SMARCC2: variants seen among roughly 807,000 people sequenced by gnomAD.
The protein encoded by SMARCC2 is SWI/SNF related BAF chromatin remodeling complex subunit C2.
A neutral mutation model predicts 151.3 loss-of-function variants in SMARCC2; 15 were observed. The observed-to-expected ratio is 0.10, with a 90% CI of 0.07 to 0.15. The LOEUF (loss-of-function observed/expected upper bound fraction) is 0.15, where lower values mean the gene tolerates loss of function less well. SMARCC2 is among the 10% of genes least tolerant of loss of function. The pLI, the probability that SMARCC2 is intolerant of heterozygous loss-of-function variation, is 1.00. For missense variants in SMARCC2, 1,031 were observed against 1,599.7 expected, an observed-to-expected ratio of 0.64 and a Z score of 6.06; for synonymous variants, 590 against 609.5, an observed-to-expected ratio of 0.97 and a Z score of 0.47.
intron 15 of SMARCC2, among the ~76,000 whole-genome samples, chr12:56,177,156 G>C (rs1875176427): frequency 6.6e-6 from 1 of 151,944 alleles, no homozygotes; most frequent in African/African-American, 2.4e-5. Context: ...ATGTTAGCCA[G>C]CATGGTCGCG....
intron 18 of SMARCC2, 104 bp downstream of exon 18, chr12:56,172,833 C>T (rs1431816727): frequency 8.3e-6 from 13 of 1,564,368 alleles, no homozygotes; most frequent in South Asian, 7.8e-5. Context: ...GGACTTCCTC[C>T]CTTACTGCTG....
chr12:56,177,890 G>GT, intron 15 of SMARCC2, 132 bp downstream of exon 15: 1 of 651,252 alleles, frequency 1.5e-6, no homozygotes. Flanking sequence ...TTGTGCCTTT[G>GT]TAAGCCTAGC....
intron 7 of SMARCC2, among the ~76,000 whole-genome samples, chr12:56,182,800 T>C (rs1010718357): frequency 1.9e-4 from 27 of 145,050 alleles, no homozygotes; most frequent in African/African-American, 7.1e-4. Context: ...TAGATGATGT[T>C]TTTACATAAT....
At chr12:56,178,299 G>C in intron 14 of SMARCC2, 105 bp downstream of exon 14, 1 of 1,353,812 alleles carries the variant, frequency 7.4e-7, no homozygotes, top group Non-Finnish European at 1.0e-6. Context: ...GTCTATTTGG[G>C]TGAGGAAAAA....
chr12:56,163,636 C>G lies in SMARCC2; in HGVS notation c.*53G>C, dbSNP rs541111575. On this transcript the variant is annotated 3_prime_UTR_variant, in exon 29 of 29. Transcript: ENST00000550164. ...CCCAGTGGTGGGGGAAGGGCTGTTCCTGGAACCGTGATGTCCACAGGGGGT... is the reference window on the plus strand; with the variant it reads ...CCCAGTGGTGGGGGAAGGGCTGTTCGTGGAACCGTGATGTCCACAGGGGGT... 1 of 1,073,558 alleles carries G rather than the reference C, an allele frequency of 9.3e-7. No individual in the cohort carries two copies. Among genetic ancestry groups the G allele is most frequent in the East Asian group, 2.9e-5 (1 of 34,626 alleles). 66.5% of individuals were successfully genotyped at this position (1,073,558 alleles called of 1,614,324 possible). A position where few individuals can be genotyped will look rare whatever the true frequency, so the allele number is the denominator to read the frequency against.
intron 11 of SMARCC2, among the ~76,000 whole-genome samples, chr12:56,179,533 G>A (rs1235533281): frequency 6.6e-6 from 1 of 152,128 alleles, no homozygotes; most frequent in Admixed American, 6.5e-5. Flanking sequence ...TCCTACCCCT[G>A]AAATACACTT....
chr12:56,171,625 T>A lies in SMARCC2; in HGVS notation c.2185+54A>T, dbSNP rs1255327122. On this transcript the variant is annotated intron_variant, in intron 21 of 28. Transcript: ENST00000550164. This position sits in a 1 kb window ranked among gnomAD's most constrained non-coding sequence, Gnocchi z 4.2. ...TGAGAGGATTCACAGTCTGAGTAACTAGCCCTTCAAAAGCAAACTAAGAAG... is the reference window on the plus strand; with the variant it reads ...TGAGAGGATTCACAGTCTGAGTAACAAGCCCTTCAAAAGCAAACTAAGAAG... 2.6e-6 allele frequency: 4 copies of A among 1,519,884 alleles called. No homozygotes were observed. Among genetic ancestry groups the A allele is most frequent in the Non-Finnish European group, 3.5e-6 (4 of 1,134,320 alleles). 94.1% of individuals were successfully genotyped at this position (1,519,884 alleles called of 1,614,324 possible). A position where few individuals can be genotyped will look rare whatever the true frequency, so the allele number is the denominator to read the frequency against.
chr12:56,175,017 AT>A (rs954964397), intron 15 of SMARCC2, among the ~76,000 whole-genome samples: 32 of 148,450 alleles, frequency 2.2e-4, no homozygotes, highest in East Asian at 5.9e-4. Flanking sequence ...ATTTCATACA[AT>A]TTTTTTTTTT....
chr12:56,184,978 G>T (rs746778899), intron 4 of SMARCC2, 42 bp from the exon 5 acceptor site: 1 of 1,590,066 alleles, frequency 6.3e-7, no homozygotes, highest in Non-Finnish European at 8.6e-7. Flanking sequence ...GGAAAGGGGT[G>T]TTTTAGATTC....
Position 56,180,959 on chromosome 12 carries a change from G to A in SMARCC2, c.1081+18C>T, listed in dbSNP as rs760516660. The A allele has an allele frequency of 1.2e-6, 2 of 1,602,094 alleles. No homozygotes were observed. Among genetic ancestry groups the A allele is most frequent in the Admixed American group, 1.7e-5 (1 of 58,324 alleles). ...CGGGGAGTGGGGGTGGATCCCAGGA[G>A]CTCAGCCTGGCCTGTACCTGTTTTG... On this transcript the variant is annotated intron_variant, in intron 11 of 28. Transcript: ENST00000550164.
intron 2 of SMARCC2, 164 bp downstream of exon 2, chr12:56,187,023 G>T: frequency 1.6e-6 from 1 of 615,054 alleles, no homozygotes; most frequent in East Asian, 3.0e-5. Flanking sequence ...GTAAACTGGA[G>T]ACTAGGCCAA....
chr12:56,169,959 T>C, intron 23 of SMARCC2, 48 bp from the exon 24 acceptor site: 1 of 1,579,972 alleles, frequency 6.3e-7, no homozygotes, highest in Non-Finnish European at 8.7e-7. Context: ...ATTAGGGTGA[T>C]TAGTTCTCAC....
chr12:56,178,275 TA>T, intron 14 of SMARCC2, 128 bp downstream of exon 14: 1 of 1,131,498 alleles, frequency 8.8e-7, no homozygotes, highest in Non-Finnish European at 1.3e-6. Flanking sequence ...CCCCTAAAAC[TA>T]AAGTGTACTC....
chr12:56,168,947 T>G (rs1873375470), intron 25 of SMARCC2, among the ~76,000 whole-genome samples: 2 of 146,398 alleles, frequency 1.4e-5, no homozygotes, highest in South Asian at 4.4e-4. Flanking sequence ...GCCACTGCAC[T>G]CCAGCCTGGG....
chr12:56,175,563 G>A lies in SMARCC2; in HGVS notation c.1383-799C>T, dbSNP rs1184431526. ...GAATGTCTGTTGAGAGGTCTATAAA[G>A]TACTAGTATAGTGCCTGGCGCATTG... On this transcript the variant is annotated intron_variant, in intron 15 of 28. Coordinates refer to ENST00000550164, the MANE Select transcript of SMARCC2 (RefSeq NM_001330288.2). Among the ~76,000 whole-genome samples the A allele has an allele frequency of 3.7e-4, 57 of 152,178 alleles. 2 individuals are homozygous for A. Among genetic ancestry groups the A allele is most frequent in the Admixed American group, 3.7e-3 (57 of 15,272 alleles).
intron 1 of SMARCC2, among the ~76,000 whole-genome samples, chr12:56,188,486 C>A (rs1273968748): frequency 2.6e-5 from 4 of 152,116 alleles, no homozygotes; most frequent in Non-Finnish European, 4.4e-5. Flanking sequence ...GAGAGGCAGA[C>A]CATTTCCAGA....
chr12:56,169,965 C>G, intron 23 of SMARCC2, 54 bp from the exon 24 acceptor site: 1 of 1,563,160 alleles, frequency 6.4e-7, no homozygotes, highest in Non-Finnish European at 8.8e-7. Context: ...GTGATTAGTT[C>G]TCACACAGAG....
At chr12:56,169,295 T>G (rs1036480142) in intron 25 of SMARCC2, among the ~76,000 whole-genome samples, 2 of 152,146 alleles carry the variant, frequency 1.3e-5, no homozygotes, top group Non-Finnish European at 2.9e-5. Context: ...GGAGATAGTG[T>G]GGCAAAGGGT....
At chr12:56,176,925 G>A (rs1426943531) in intron 15 of SMARCC2, among the ~76,000 whole-genome samples, 2 of 150,284 alleles carry the variant, frequency 1.3e-5, no homozygotes, top group African/African-American at 2.5e-5. Flanking sequence ...GGGTTCAAGC[G>A]ATTCTCCTGC....
Sources: allele counts gnomAD v4.1 joint callset (sites outside exome capture counted in the v4.1 genomes callset), GRCh38; gene constraint gnomAD v4.1.1; non-coding constraint Gnocchi (gnomAD v3.1); transcripts MANE v1.5; gene names NCBI Gene and HGNC (gene_info 2026-07-23, HGNC 2026-07-21).